SERPINC1: variants seen among roughly 807,000 people sequenced by gnomAD.
SERPINC1 encodes the protein antithrombin-III.
SERPINC1 carries 12 observed loss-of-function variants against 43.4 expected under a neutral mutation model. The observed-to-expected ratio is 0.28, with a 90% CI of 0.18 to 0.45. SERPINC1 has a LOEUF of 0.45. Among genes scored for constraint, SERPINC1 ranks in the 20% least tolerant of loss-of-function variants. The pLI, the probability that SERPINC1 is intolerant of heterozygous loss-of-function variation, is 1.00. For synonymous variants in SERPINC1, 210 were observed against 218.9 expected, an observed-to-expected ratio of 0.96 and a Z score of 0.36; for missense variants, 423 against 578.8, an observed-to-expected ratio of 0.73 and a Z score of 2.76.
At chr1:173,910,454 G>T (rs1167214127) in intron 4 of SERPINC1, among the ~76,000 whole-genome samples, 2 of 152,074 alleles carry the variant, frequency 1.3e-5, no homozygotes, top group Admixed American at 6.6e-5. Flanking sequence ...GGTGGTGGGT[G>T]CCTGTATTCC....
At chr1:173,908,553 TA>T (rs1657628860) in intron 5 of SERPINC1, among the ~76,000 whole-genome samples, 1 of 150,726 alleles carries the variant, frequency 6.6e-6, no homozygotes, top group African/African-American at 2.4e-5. Context: ...ATCGTAAACT[TA>T]TTTTATTATT....
At chr1:173,915,427 G>A (rs1323739887) in intron 1 of SERPINC1, among the ~76,000 whole-genome samples, 2 of 152,192 alleles carry the variant, frequency 1.3e-5, no homozygotes, top group Non-Finnish European at 2.9e-5. Context: ...TGTAATCCCA[G>A]CACTTTGGGA....
chr1:173,911,490 TTAAG>T (rs1322118386), intron 3 of SERPINC1, among the ~76,000 whole-genome samples: 1 of 152,212 alleles, frequency 6.6e-6, no homozygotes, highest in Non-Finnish European at 1.5e-5. Context: ...ACAGTTCAAA[TTAAG>T]TAAGATATCT....
At position 173,917,273 on chromosome 1, in the gene SERPINC1, C is replaced by T; in HGVS notation, c.-14G>A. On this transcript the variant is annotated 5_prime_UTR_variant, in exon 1 of 7. Transcript: ENST00000367698. ...ATTGGAATACATGGCCGCTAATCTT[C>T]CACAGGGCTGGGCAAGTGGAGATAG... is the stretch of plus-strand genomic sequence containing the variant. 1 of 1,613,744 alleles carries T rather than the reference C, an allele frequency of 6.2e-7. No homozygotes were observed. Among genetic ancestry groups the T allele is most frequent in the African/African-American group, 1.3e-5 (1 of 75,022 alleles).
At chr1:173,908,543 A>G (rs1657628016) in intron 5 of SERPINC1, among the ~76,000 whole-genome samples, 1 of 151,128 alleles carries the variant, frequency 6.6e-6, no homozygotes, top group South Asian at 2.1e-4. Flanking sequence ...ATTACTTAAC[A>G]TCGTAAACTT....
intron 5 of SERPINC1, 104 bp from the exon 6 acceptor site, chr1:173,907,618 A>G (rs1342095963): frequency 7.2e-6 from 6 of 833,826 alleles, no homozygotes; most frequent in Non-Finnish European, 1.3e-5. Context: ...GGCTTTTTGA[A>G]ACATAAGAAG....
chr1:173,910,514 A>G (rs1657725172), intron 4 of SERPINC1, among the ~76,000 whole-genome samples: 1 of 152,050 alleles, frequency 6.6e-6, no homozygotes, highest in Non-Finnish European at 1.5e-5. Flanking sequence ...CCAGGAGGCG[A>G]AGCTTGCAGT....
chr1:173,907,326 T>A, intron 6 of SERPINC1, 124 bp downstream of exon 6: 1 of 788,892 alleles, frequency 1.3e-6, no homozygotes. Context: ...GAGAGGGCTG[T>A]ATTATAGCAG....
At chr1:173,904,458 G>A (rs1657402400) in intron 6 of SERPINC1, among the ~76,000 whole-genome samples, 1 of 152,114 alleles carries the variant, frequency 6.6e-6, no homozygotes, top group Admixed American at 6.5e-5. Context: ...TTCACTCTTG[G>A]AGCATCAAGA....
chr1:173,913,248 A>G (rs1657846073), intron 2 of SERPINC1, among the ~76,000 whole-genome samples: 1 of 152,240 alleles, frequency 6.6e-6, no homozygotes, highest in Admixed American at 6.5e-5. Flanking sequence ...CCAAGGACAG[A>G]TTAAAGATCT....
intron 1 of SERPINC1, chr1:173,915,267 A>T (rs1281704171): frequency 1.5e-5 from 14 of 928,194 alleles, no homozygotes; most frequent in Non-Finnish European, 1.7e-5. Flanking sequence ...GTGCCCAGTG[A>T]AGAGTCAGGG....
rs765204251 is a variant in SERPINC1 at position 173,904,031 on chromosome 1, G to A, written c.1253C>T (p.Thr418Ile). The A allele has an allele frequency of 1.2e-6, 2 of 1,614,192 alleles. No homozygotes were observed. Among genetic ancestry groups the A allele is most frequent in the East Asian group, 2.2e-5 (1 of 44,882 alleles). The stretch of plus-strand genomic sequence containing the variant: ...CGAACGGCCAGCAATCACAACAGCG[G>A]TACTTGCAGCTGCTTCACTGCCTTC... ...NEEGSEAAAS[T>I]AVVIAGRSLN... The change falls in exon 7 of 7, where the codon ACC (threonine) becomes ATC (isoleucine). Residue 418 changes from threonine (T) to isoleucine (I), a missense_variant. Coordinates refer to ENST00000367698, the MANE Select transcript of SERPINC1 (RefSeq NM_000488.4).
intron 6 of SERPINC1, among the ~76,000 whole-genome samples, chr1:173,906,040 T>C (rs1657492559): frequency 6.6e-6 from 1 of 152,222 alleles, no homozygotes; most frequent in Admixed American, 6.5e-5. Flanking sequence ...ACAACCTTCA[T>C]TCTTTTCGAT....
At position 173,914,683 on chromosome 1, in the gene SERPINC1, G is replaced by T; in HGVS notation, c.278C>A (p.Thr93Asn). 3.1e-6 allele frequency: 5 copies of T among 1,614,260 alleles called. No homozygotes were observed. In the South Asian group the frequency reaches 5.5e-5, roughly 18 times the overall value. Residue 93 changes from threonine (T) to asparagine (N), a missense_variant, in exon 2 of 7, where the codon ACT (threonine) becomes AAT (asparagine). By Grantham distance (65) the Thr-to-Asn change is moderately conservative (BLOSUM62 0). Transcript: ENST00000367698. ...GGAATCTGCCAGGTGCTGATAGAAA[G>T]TGGTAGCAAAGCGGGAATTGGCCTT... ...LSKANSRFAT[T>N]FYQHLADSKN...
intron 6 of SERPINC1, among the ~76,000 whole-genome samples, chr1:173,906,669 G>A (rs1235519866): frequency 2.0e-5 from 3 of 150,446 alleles, no homozygotes; most frequent in Non-Finnish European, 4.4e-5. Context: ...TTTTGGTAGA[G>A]ACAGGGTCTC....
At chr1:173,914,517 T>C in intron 2 of SERPINC1, 36 bp downstream of exon 2, 1 of 1,613,088 alleles carries the variant, frequency 6.2e-7, no homozygotes, top group Non-Finnish European at 8.5e-7. Context: ...AAGGTGCTCC[T>C]AACAAGGTGG....
chr1:173,912,490 G>A (rs1305889950), intron 2 of SERPINC1, among the ~76,000 whole-genome samples: 4 of 152,270 alleles, frequency 2.6e-5, no homozygotes, highest in Admixed American at 2.6e-4. Flanking sequence ...AAGAGCTCAG[G>A]GCTGAAAAGG....
chr1:173,914,587 C>T lies in SERPINC1; in HGVS notation c.374G>A (p.Gly125Asp). The T allele has an allele frequency of 6.2e-7, 1 of 1,614,142 alleles. No individual in the cohort carries two copies. The highest frequency in any genetic ancestry group is 8.5e-7 in the Non-Finnish European group (1 of 1,180,042). The change falls in exon 2 of 7, where the codon GGT becomes GAT. Residue 125 changes from glycine to aspartate, a missense_variant. Coordinates refer to ENST00000367698, the MANE Select transcript of SERPINC1 (RefSeq NM_000488.4). ...TTGCTGGAGGGTGTCATTACAGGCA[C>T]CCAGCTTGGTCATAGCAAAAGCCGT... ...ISTAFAMTKL[G>D]ACNDTLQQLM...
chr1:173,908,293 C>T (rs939985856), intron 5 of SERPINC1, among the ~76,000 whole-genome samples: 1 of 151,630 alleles, frequency 6.6e-6, no homozygotes, highest in Non-Finnish European at 1.5e-5. Flanking sequence ...AGTTCAAGAC[C>T]AGCCTGGCCA....
Sources: allele counts gnomAD v4.1 joint callset (sites outside exome capture counted in the v4.1 genomes callset), GRCh38; gene constraint gnomAD v4.1.1; transcripts MANE v1.5; gene names NCBI Gene and HGNC (gene_info 2026-07-23, HGNC 2026-07-21).